Variants in SOS1 observed in about 807,000 individuals in gnomAD.
SOS1 encodes SOS Ras/Rac guanine nucleotide exchange factor 1, also known as son of sevenless homolog 1.
In SOS1, 25 loss-of-function variants were observed where a neutral mutation model predicts 157.6. The observed-to-expected ratio is 0.16, with a 90% CI of 0.12 to 0.22. The LOEUF is 0.22. Ranked by LOEUF, SOS1 falls within the 10% of genes least tolerant of loss-of-function variation. The probability of loss-of-function intolerance (pLI) is 1.00; values close to 1 mark genes in which losing one functional copy is unlikely to be tolerated. For missense variants in SOS1, 1,237 were observed against 1,599.1 expected (o/e 0.77, Z 3.86); for synonymous variants, 528 against 534.0 (o/e 0.99, Z 0.16).
chr2:39,081,519 G>A (rs1476321812), intron 1 of SOS1, among the ~76,000 whole-genome samples: 1 of 150,916 alleles, frequency 6.6e-6, no homozygotes, highest in Non-Finnish European at 1.5e-5. Context: ...GACTGTCCTC[G>A]GTAAAAAAAA....
intron 15 of SOS1, 86 bp from the exon 16 acceptor site, chr2:39,007,279 T>C: frequency 2.2e-6 from 2 of 891,052 alleles, no homozygotes; most frequent in South Asian, 1.3e-5. Flanking sequence ...TAAAATAATG[T>C]AGAGAGTAGG....
At chr2:39,104,477 T>A (rs1048211690) in intron 1 of SOS1, among the ~76,000 whole-genome samples, 3 of 151,968 alleles carry the variant, frequency 2.0e-5, no homozygotes, top group African/African-American at 7.3e-5. Flanking sequence ...GGCAAGGAGG[T>A]AGAGAAATTG....
At chr2:39,065,377 C>T (rs1412987689) in intron 2 of SOS1, among the ~76,000 whole-genome samples, 3 of 152,102 alleles carry the variant, frequency 2.0e-5, no homozygotes, top group Non-Finnish European at 2.9e-5. Context: ...GTCCTGCTAC[C>T]ATTCTGTCCA....
chr2:39,062,725 G>C (rs1466253138), intron 2 of SOS1, among the ~76,000 whole-genome samples: 2 of 151,794 alleles, frequency 1.3e-5, no homozygotes, highest in Non-Finnish European at 2.9e-5. Context: ...AATCAGTCCA[G>C]TCAAGTAAAG....
intron 1 of SOS1, among the ~76,000 whole-genome samples, chr2:39,114,477 A>G (rs182397353): frequency 6.6e-6 from 1 of 151,170 alleles, no homozygotes; most frequent in East Asian, 2.0e-4. Flanking sequence ...CTAATTTTGT[A>G]TTTTTAGTAG....
chr2:39,124,657 T>G (rs966663413), upstream of SOS1, among the ~76,000 whole-genome samples: 2 of 152,278 alleles, frequency 1.3e-5, no homozygotes, highest in South Asian at 2.1e-4. Context: ...CGGACCCAGC[T>G]ACTTACTTTT....
rs1356040248 is a variant in SOS1 at position 39,014,771 on chromosome 2, A to G, written c.1934T>C (p.Ile645Thr). Residue 645 changes from isoleucine to threonine, a missense_variant, in exon 11 of 23, where the codon ATA (isoleucine) becomes ACA (threonine). This residue lies in a region of SOS1 where 55 missense variants were observed against 43.1 expected (regional missense o/e 1.27). Coordinates refer to ENST00000402219, the MANE Select transcript of SOS1 (RefSeq NM_005633.4). ...ATTTTTTAAATGGACAGACCTTTCT[A>G]TTATAAGACTCAGTAGTTCTTGAGG... ...CKPQELLSLI[I>T]ERFEIPEPEP... is the part of the protein sequence containing the mutation. 3 of 1,529,836 alleles carry G rather than the reference A, an allele frequency of 2.0e-6. No homozygotes were observed. The highest frequency in any genetic ancestry group is 2.7e-5 in the African/African-American group (2 of 73,186). 94.8% of individuals were successfully genotyped at this position (1,529,836 alleles called of 1,614,324 possible).
chr2:39,027,446 G>C (rs1670001828), intron 8 of SOS1, among the ~76,000 whole-genome samples: 1 of 152,186 alleles, frequency 6.6e-6, no homozygotes, highest in Non-Finnish European at 1.5e-5. Flanking sequence ...CATTAGGCAA[G>C]CCTCTAAAAT....
chr2:38,996,808 T>G lies in SOS1; in HGVS notation c.3081+114A>C, dbSNP rs1668909564. On this transcript the variant is annotated intron_variant, in intron 19 of 22. Coordinates refer to ENST00000402219, the MANE Select transcript of SOS1 (RefSeq NM_005633.4). ...ATTCCTGGACATAATTATTAAGTAC[T>G]TTTTCATTACTTTTAACTATCACAT... The G allele has an allele frequency of 4.2e-6, 3 of 719,528 alleles. No individual in the cohort carries two copies. In the Admixed American group the frequency reaches 5.7e-5, roughly 14 times the overall value. 44.6% of individuals were successfully genotyped at this position (719,528 alleles called of 1,614,324 possible). A position where few individuals can be genotyped will look rare whatever the true frequency, so the allele number is the denominator to read the frequency against.
chr2:39,030,617 A>G (rs912418927), intron 8 of SOS1, among the ~76,000 whole-genome samples: 2 of 151,692 alleles, frequency 1.3e-5, no homozygotes, highest in African/African-American at 4.9e-5. Flanking sequence ...TATAAAGCCA[A>G]TGTAGCCAGT....
intron 1 of SOS1, among the ~76,000 whole-genome samples, chr2:39,112,514 G>A (rs1457536981): frequency 6.6e-6 from 1 of 152,014 alleles, no homozygotes; most frequent in Non-Finnish European, 1.5e-5. Context: ...TGTTGCCCAG[G>A]CTGGTCTTGA....
chr2:39,073,483 A>G (rs905216365), intron 1 of SOS1, among the ~76,000 whole-genome samples: 1 of 152,250 alleles, frequency 6.6e-6, no homozygotes, highest in Non-Finnish European at 1.5e-5. Flanking sequence ...AACAGCCTTA[A>G]TAAGAATTTT....
intron 8 of SOS1, among the ~76,000 whole-genome samples, chr2:39,031,198 G>A (rs1159324773): frequency 6.6e-6 from 1 of 152,144 alleles, no homozygotes; most frequent in Non-Finnish European, 1.5e-5. Context: ...CAACAACATA[G>A]ACTTCAACCT....
intron 1 of SOS1, among the ~76,000 whole-genome samples, chr2:39,102,264 T>C (rs1241972655): frequency 1.4e-5 from 2 of 141,214 alleles, no homozygotes; most frequent in Non-Finnish European, 3.0e-5. Flanking sequence ...AGCTCATACC[T>C]GTAAACCCAG....
intron 1 of SOS1, among the ~76,000 whole-genome samples, chr2:39,091,187 T>A (rs1050565781): frequency 1.3e-5 from 2 of 152,132 alleles, no homozygotes; most frequent in Non-Finnish European, 2.9e-5. Flanking sequence ...GGTATTTTTA[T>A]CAACCTCTCA....
intron 1 of SOS1, among the ~76,000 whole-genome samples, chr2:39,069,140 G>A (rs1671691812): frequency 7.0e-6 from 1 of 143,596 alleles, no homozygotes; most frequent in Non-Finnish European, 1.5e-5. Context: ...AAGGCCAGGA[G>A]TTCAGGACCA....
intron 1 of SOS1, among the ~76,000 whole-genome samples, chr2:39,080,964 T>C (rs572466173): frequency 3.3e-5 from 5 of 152,022 alleles, no homozygotes; most frequent in South Asian, 2.1e-4. Flanking sequence ...GGCAGGTGTA[T>C]TGCTTGAGCC....
Position 39,022,844 on chromosome 2 carries a change from G to A in SOS1, c.1584C>T (p.Ala528=), listed in dbSNP as rs1453755368. The change falls in exon 10 of 23, where the codon GCC becomes GCT. Residue 528 remains alanine (A), a synonymous_variant. Coordinates refer to ENST00000402219, the MANE Select transcript of SOS1 (RefSeq NM_005633.4). ...AATTGTTTTTCTCTTCAGCTGACTTGGCAGAAAATATAACACTATTTTCAT... is the reference window on the plus strand; with the variant it reads ...AATTGTTTTTCTCTTCAGCTGACTTAGCAGAAAATATAACACTATTTTCAT... ...LKDENSVIFS[A]KSAEEKNNWM... is the part of the protein sequence containing the mutation. 2 of 1,613,136 alleles carry A rather than the reference G, an allele frequency of 1.2e-6. No homozygotes were observed. The highest frequency in any genetic ancestry group is 1.7e-6 in the Non-Finnish European group (2 of 1,179,458).
At chr2:39,081,706 T>A (rs866864416) in intron 1 of SOS1, among the ~76,000 whole-genome samples, 2 of 151,758 alleles carry the variant, frequency 1.3e-5, no homozygotes, top group Middle Eastern at 6.8e-3. Flanking sequence ...GCGCCTGTAA[T>A]CCCAGCTACT....
Sources: allele counts gnomAD v4.1 joint callset (sites outside exome capture counted in the v4.1 genomes callset), GRCh38; gene constraint gnomAD v4.1.1; regional missense constraint gnomAD v4.1.1; transcripts MANE v1.5; gene names NCBI Gene and HGNC (gene_info 2026-07-23, HGNC 2026-07-21).